The following UXS1 variants were observed in gnomAD, a reference collection of about 807,000 sequenced individuals.
UXS1 encodes the protein UDP-glucuronate decarboxylase 1.
UXS1 carries 33 observed loss-of-function variants against 62.6 expected under a neutral mutation model. The ratio of observed to expected loss-of-function variants is 0.53; its 90% CI spans 0.40 to 0.70. The LOEUF is 0.70. Among genes scored for constraint, UXS1 ranks in the 30% least tolerant of loss-of-function variants. UXS1 has a pLI of 0.00. For synonymous variants in UXS1, 213 were observed against 206.8 expected (o/e 1.03, Z -0.26); for missense variants, 434 against 556.3 (o/e 0.78, Z 2.21).
chr2:106,123,205 A>T, intron 8 of UXS1, 114 bp from the exon 9 acceptor site: 2 of 1,479,226 alleles, frequency 1.4e-6, no homozygotes, highest in South Asian at 2.6e-5. Context: ...AGAGATGGAG[A>T]GATGTATTAA....
At chr2:106,171,975 T>C (rs1329542519) in intron 1 of UXS1, among the ~76,000 whole-genome samples, 1 of 152,266 alleles carries the variant, frequency 6.6e-6, no homozygotes, top group African/African-American at 2.4e-5. Flanking sequence ...AGGCAGCCCC[T>C]GGCTGCGGGG....
intron 5 of UXS1, among the ~76,000 whole-genome samples, chr2:106,153,881 G>C (rs1340488298): frequency 6.6e-6 from 1 of 152,190 alleles, no homozygotes; most frequent in African/African-American, 2.4e-5. Flanking sequence ...ATAATAAAGA[G>C]AGATTACAAA....
intron 1 of UXS1, among the ~76,000 whole-genome samples, chr2:106,178,478 G>A (rs1684031083): frequency 6.6e-6 from 1 of 151,238 alleles, no homozygotes; most frequent in Non-Finnish European, 1.5e-5. Flanking sequence ...ATACAAGTGT[G>A]TGTATATATA....
chr2:106,110,389 G>A (rs1678491209), intron 10 of UXS1, among the ~76,000 whole-genome samples: 1 of 152,154 alleles, frequency 6.6e-6, no homozygotes, highest in African/African-American at 2.4e-5. Context: ...CCCTGGCTGT[G>A]GCCAAGGAGG....
chr2:106,192,712 A>T (rs1685009197), intron 1 of UXS1, among the ~76,000 whole-genome samples: 1 of 152,024 alleles, frequency 6.6e-6, no homozygotes, highest in Non-Finnish European at 1.5e-5. Context: ...CTGGGTTCAA[A>T]TTTTGGCCCT....
intron 7 of UXS1, among the ~76,000 whole-genome samples, chr2:106,126,671 G>C (rs1273831426): frequency 6.6e-6 from 1 of 152,142 alleles, no homozygotes; most frequent in Non-Finnish European, 1.5e-5. Flanking sequence ...TAAATTTTTT[G>C]AGATATTTGT....
intron 1 of UXS1, among the ~76,000 whole-genome samples, chr2:106,191,034 G>A (rs917230439): frequency 7.2e-5 from 11 of 152,006 alleles, no homozygotes; most frequent in Non-Finnish European, 1.0e-4. Context: ...CCTCAGAATC[G>A]GGATTTCATT....
chr2:106,149,348 T>C (rs1681833907), intron 5 of UXS1, among the ~76,000 whole-genome samples: 1 of 152,226 alleles, frequency 6.6e-6, no homozygotes, highest in South Asian at 2.1e-4. Flanking sequence ...TTTTAACGTG[T>C]CCACCAAAAG....
chr2:106,167,854 G>A (rs965570553), intron 1 of UXS1, among the ~76,000 whole-genome samples: 3 of 152,100 alleles, frequency 2.0e-5, no homozygotes, highest in South Asian at 2.1e-4. Context: ...GATGAGATAG[G>A]AAGTCACCAT....
chr2:106,099,799 G>C (rs1677439641), intron 12 of UXS1, among the ~76,000 whole-genome samples: 1 of 152,320 alleles, frequency 6.6e-6, no homozygotes, highest in African/African-American at 2.4e-5. Flanking sequence ...GAGGCTTACA[G>C]TGTGAGGCAC....
At chr2:106,110,235 G>C (rs188720721) in intron 10 of UXS1, among the ~76,000 whole-genome samples, 1 of 152,162 alleles carries the variant, frequency 6.6e-6, no homozygotes, top group South Asian at 2.1e-4. Context: ...CCACGTTCTC[G>C]ATTAACTGCA....
intron 1 of UXS1, among the ~76,000 whole-genome samples, chr2:106,176,530 C>T (rs765683751): frequency 3.9e-5 from 6 of 152,202 alleles, no homozygotes; most frequent in African/African-American, 1.4e-4. Flanking sequence ...GAATGAGGTG[C>T]TCAAAGGTCA....
intron 6 of UXS1, among the ~76,000 whole-genome samples, chr2:106,139,042 T>C (rs981137819): frequency 6.6e-6 from 1 of 152,024 alleles, no homozygotes; most frequent in African/African-American, 2.4e-5. Context: ...GGAATATAAA[T>C]AAAGCAGCAA....
At chr2:106,120,128 G>A (rs941494512) in intron 9 of UXS1, among the ~76,000 whole-genome samples, 1 of 152,122 alleles carries the variant, frequency 6.6e-6, no homozygotes, top group Admixed American at 6.5e-5. Flanking sequence ...GGCCCAGAGG[G>A]GCTTGTGGCC....
chr2:106,104,399 C>T (rs1230835717), intron 11 of UXS1, among the ~76,000 whole-genome samples: 3 of 152,228 alleles, frequency 2.0e-5, no homozygotes, highest in African/African-American at 7.2e-5. Flanking sequence ...GTGCCCTCCA[C>T]AAGGACTATC....
chr2:106,181,502 T>C (rs1668974084), intron 1 of UXS1, among the ~76,000 whole-genome samples: 1 of 152,152 alleles, frequency 6.6e-6, no homozygotes. Context: ...GCAGATCACC[T>C]GAGCTCAGGA....
At chr2:106,171,382 A>G (rs183468730) in intron 1 of UXS1, among the ~76,000 whole-genome samples, 2 of 152,330 alleles carry the variant, frequency 1.3e-5, no homozygotes, top group African/African-American at 2.4e-5. Flanking sequence ...CAGTCTTCCA[A>G]TCTGAAGTCT....
chr2:106,175,176 G>T (rs1222189628), intron 1 of UXS1, among the ~76,000 whole-genome samples: 1 of 152,180 alleles, frequency 6.6e-6, no homozygotes, highest in African/African-American at 2.4e-5. Context: ...AATTTAGAGA[G>T]ACATTCAAAA....
chr2:106,143,979 C>T (rs998716467), intron 6 of UXS1, among the ~76,000 whole-genome samples: 1 of 152,214 alleles, frequency 6.6e-6, no homozygotes, highest in Non-Finnish European at 1.5e-5. Flanking sequence ...CCAGGATCAT[C>T]CTCATTTTAA....
Sources: gnomAD v4.1 joint callset for allele counts (sites outside exome capture counted in the v4.1 genomes callset) on GRCh38, gnomAD v4.1.1 for gene constraint, MANE v1.5 for transcripts, NCBI Gene and HGNC (gene_info 2026-07-23, HGNC 2026-07-21) for gene names.